The following CAMTA1 variants were observed in gnomAD, a reference collection of about 807,000 sequenced individuals.
The protein encoded by CAMTA1 is calmodulin-binding transcription activator 1.
CAMTA1 carries 27 observed loss-of-function variants against 170.9 expected under a neutral mutation model. The ratio of observed to expected loss-of-function variants is 0.16; its 90% CI spans 0.12 to 0.22. CAMTA1 has a LOEUF of 0.22. Ranked by LOEUF, CAMTA1 falls within the 10% of genes least tolerant of loss-of-function variation. CAMTA1 has a pLI of 1.00. For synonymous variants in CAMTA1, 833 were observed against 891.5 expected (o/e 0.93, Z 1.17); for missense variants, 1,619 against 2,217.2 (o/e 0.73, Z 5.42).
chr1:7,749,127 C>T (rs1408275344), intron 19 of CAMTA1, among the ~76,000 whole-genome samples: 1 of 152,066 alleles, frequency 6.6e-6, no homozygotes, highest in African/African-American at 2.4e-5. Context: ...GATTCGAGAA[C>T]CTTTTATCAG....
rs1658480256 is a variant in CAMTA1, at chr1:6,847,087, T to G, written c.234+21877T>G. 2.6e-5 allele frequency among the ~76,000 whole-genome samples: 4 copies of G among 151,264 alleles called. No homozygotes were observed. In the South Asian group the frequency reaches 8.4e-4, roughly 32 times the overall value. The stretch of plus-strand genomic sequence containing the variant: ...GGCGCCATCTTGGCTCACTGCAACC[T>G]CTGCCTCCTGGGTTCAAGCTGTTCT... On this transcript the variant is annotated intron_variant, in intron 3 of 22. Coordinates refer to ENST00000303635, the MANE Select transcript of CAMTA1 (RefSeq NM_015215.4).
intron 5 of CAMTA1, among the ~76,000 whole-genome samples, chr1:7,411,033 A>G (rs2090695590): frequency 6.6e-6 from 1 of 151,914 alleles, no homozygotes; most frequent in African/African-American, 2.4e-5. Flanking sequence ...ACCCACATCC[A>G]TGCACGTTTT....
At chr1:7,317,604 C>T (rs897128827) in intron 5 of CAMTA1, among the ~76,000 whole-genome samples, 6 of 152,218 alleles carry the variant, frequency 3.9e-5, no homozygotes, top group African/African-American at 1.4e-4. Context: ...CTCAGTTGTA[C>T]TTGATGCCTT....
chr1:7,435,927 A>G lies in CAMTA1; in HGVS notation c.439-31903A>G, dbSNP rs565608456. The stretch of plus-strand genomic sequence containing the variant: ...CCCTGGGGAAGATACTGTCTTAGGT[A>G]CAAGAGGCACCTCAGGAGCAGAGGA... On this transcript the variant is annotated intron_variant, in intron 5 of 22. Coordinates refer to ENST00000303635, the MANE Select transcript of CAMTA1 (RefSeq NM_015215.4). The surrounding 1 kb of genome is among the most constrained non-coding windows in gnomAD (Gnocchi z 4.4). 1.9e-4 allele frequency among the ~76,000 whole-genome samples: 29 copies of G among 152,226 alleles called. No homozygotes were observed. The highest frequency in any genetic ancestry group is 7.0e-4 in the African/African-American group (29 of 41,560).
intron 5 of CAMTA1, among the ~76,000 whole-genome samples, chr1:7,408,892 A>T (rs1449706185): frequency 6.6e-6 from 1 of 151,898 alleles, no homozygotes; most frequent in Admixed American, 6.6e-5. Flanking sequence ...TTCCTTTGCC[A>T]CCCCTTGGTG....
intron 1 of CAMTA1, among the ~76,000 whole-genome samples, chr1:6,814,134 T>C (rs1233188154): frequency 6.6e-6 from 1 of 152,196 alleles, no homozygotes; most frequent in African/African-American, 2.4e-5. Flanking sequence ...AAAATATTTA[T>C]TGGAGAAGGA....
intron 7 of CAMTA1, among the ~76,000 whole-genome samples, chr1:7,651,453 GC>G (rs140729660): frequency 0.013 from 2,023 of 152,332 alleles, 52 homozygotes; most frequent in African/African-American, 0.046. Context: ...AAGAGTTACT[GC>G]CCCACAGAGC....
chr1:6,977,568 C>G (rs942364769), intron 3 of CAMTA1, among the ~76,000 whole-genome samples: 2 of 152,142 alleles, frequency 1.3e-5, no homozygotes. Flanking sequence ...TATCGATTTC[C>G]TGACCTTGGG....
chr1:6,902,065 ACACACAC>A (rs1274477976), intron 3 of CAMTA1, among the ~76,000 whole-genome samples: 1 of 111,408 alleles, frequency 9.0e-6, no homozygotes, highest in South Asian at 3.8e-4. Context: ...ACACACACAC[ACACACAC>A]AAAAAAAAAA....
At chr1:7,309,286 A>ATTTT (rs1557486806) in intron 5 of CAMTA1, among the ~76,000 whole-genome samples, 8 of 142,886 alleles carry the variant, frequency 5.6e-5, no homozygotes, top group African/African-American at 1.8e-4. Context: ...GCAGTTAGAA[A>ATTTT]ATTTTTTTTT....
At chr1:7,704,175 C>T (rs2096477030) in intron 11 of CAMTA1, among the ~76,000 whole-genome samples, 1 of 149,352 alleles carries the variant, frequency 6.7e-6, no homozygotes, top group Non-Finnish European at 1.5e-5. Context: ...CGCCGCAGGG[C>T]GCGCCGGGGC....
intron 9 of CAMTA1, among the ~76,000 whole-genome samples, chr1:7,667,704 G>T (rs755247340): frequency 6.6e-6 from 1 of 152,184 alleles, no homozygotes; most frequent in African/African-American, 2.4e-5. Flanking sequence ...CAGTTCAGCA[G>T]CTCGCCACAC....
At chr1:7,649,234 T>G (rs1314916583) in intron 7 of CAMTA1, among the ~76,000 whole-genome samples, 3 of 151,846 alleles carry the variant, frequency 2.0e-5, no homozygotes, top group Non-Finnish European at 2.9e-5. Context: ...AACCCTGGAG[T>G]TGCATAAGAG....
At chr1:6,895,304 T>C (rs1235587858) in intron 3 of CAMTA1, among the ~76,000 whole-genome samples, 3 of 152,168 alleles carry the variant, frequency 2.0e-5, no homozygotes, top group Non-Finnish European at 4.4e-5. Context: ...GATTCTGCCC[T>C]TTTTTCCCCA....
chr1:7,368,633 G>T (rs985692807), intron 5 of CAMTA1, among the ~76,000 whole-genome samples: 4 of 152,318 alleles, frequency 2.6e-5, no homozygotes, highest in African/African-American at 9.6e-5. Flanking sequence ...GGCTCTGGGT[G>T]GCCCTCATCA....
chr1:6,943,463 C>T (rs1687036779), intron 3 of CAMTA1, among the ~76,000 whole-genome samples: 2 of 152,192 alleles, frequency 1.3e-5, no homozygotes, highest in Admixed American at 1.3e-4. Flanking sequence ...TCACTCATTT[C>T]CCAACTCTGC....
chr1:7,225,764 T>A (rs1308359093), intron 4 of CAMTA1, among the ~76,000 whole-genome samples: 2 of 152,176 alleles, frequency 1.3e-5, no homozygotes, highest in Non-Finnish European at 2.9e-5. Context: ...CAGAGTTCCC[T>A]CGACAGTGGC....
At chr1:7,232,326 C>T (rs1306084232) in intron 4 of CAMTA1, among the ~76,000 whole-genome samples, 1 of 152,212 alleles carries the variant, frequency 6.6e-6, no homozygotes, top group Non-Finnish European at 1.5e-5. Flanking sequence ...CCGGCTCTCG[C>T]TTCCCCGGAG....
intron 4 of CAMTA1, among the ~76,000 whole-genome samples, chr1:7,222,364 A>G (rs1008210023): frequency 1.2e-4 from 19 of 152,098 alleles, no homozygotes; most frequent in Non-Finnish European, 2.5e-4. Context: ...GGAGGCTGAG[A>G]TTTGATCCTC....
Sources: gnomAD v4.1 joint callset for allele counts (sites outside exome capture counted in the v4.1 genomes callset) on GRCh38, gnomAD v4.1.1 for gene constraint, Gnocchi (gnomAD v3.1) non-coding constraint, MANE v1.5 for transcripts, NCBI Gene and HGNC (gene_info 2026-07-23, HGNC 2026-07-21) for gene names.